RBFOX1: variants seen among roughly 807,000 people sequenced by gnomAD.
RBFOX1 encodes the protein RNA binding protein fox-1 homolog 1.
Under a neutral mutation model 57.7 loss-of-function variants are expected in RBFOX1, and 8 were observed. The observed-to-expected ratio is 0.14, with a 90% CI of 0.08 to 0.25. RBFOX1 has a LOEUF of 0.25. RBFOX1 is among the 10% of genes least tolerant of loss of function. RBFOX1 has a pLI of 1.00. For synonymous variants in RBFOX1, 326 were observed against 222.4 expected (o/e 1.47, Z -4.15); for missense variants, 611 against 548.5 (o/e 1.11, Z -1.14).
At chr16:6,395,307 G>A (rs2092779073) in intron 2 of RBFOX1, among the ~76,000 whole-genome samples, 1 of 152,106 alleles carries the variant, frequency 6.6e-6, no homozygotes, top group South Asian at 2.1e-4. Context: ...TTCAAAATTG[G>A]CTCAAAGTCT....
At chr16:7,708,255 AAG>A (rs1247657448) in intron 14 of RBFOX1, among the ~76,000 whole-genome samples, 2 of 151,204 alleles carry the variant, frequency 1.3e-5, no homozygotes, top group African/African-American at 4.9e-5. Context: ...TTAAAAAAAA[AAG>A]TTAACTTCCA....
At chr16:7,144,238 A>G (rs1320838802) in intron 4 of RBFOX1, among the ~76,000 whole-genome samples, 3 of 152,046 alleles carry the variant, frequency 2.0e-5, no homozygotes, top group African/African-American at 7.2e-5. Context: ...GGGTCTTGGA[A>G]TTATTTGAGT....
intron 1 of RBFOX1, among the ~76,000 whole-genome samples, chr16:6,091,464 C>G (rs147088929): frequency 2.0e-3 from 304 of 152,172 alleles, no homozygotes; most frequent in African/African-American, 7.1e-3. Context: ...ATAGGGTGAG[C>G]GGTCTATATC....
chr16:5,241,802 C>T (rs903759550), intron 1 of RBFOX1, among the ~76,000 whole-genome samples: 11 of 152,110 alleles, frequency 7.2e-5, no homozygotes, highest in Non-Finnish European at 1.6e-4. Context: ...GGGTGCATCA[C>T]AAGAGACAAG....
At chr16:5,528,053 C>T (rs718693) in intron 2 of RBFOX1, among the ~76,000 whole-genome samples, 2 of 151,892 alleles carry the variant, frequency 1.3e-5, no homozygotes, top group African/African-American at 4.8e-5. Flanking sequence ...AACATTCAAA[C>T]ACCTATTTAC....
intron 4 of RBFOX1, among the ~76,000 whole-genome samples, chr16:7,326,948 G>C (rs942034088): frequency 6.6e-6 from 1 of 152,088 alleles, no homozygotes; most frequent in Non-Finnish European, 1.5e-5. Flanking sequence ...TTTGCTAGTG[G>C]ACATTTTAGT....
chr16:6,117,776 A>T (rs1487766303), intron 1 of RBFOX1, among the ~76,000 whole-genome samples: 1 of 152,246 alleles, frequency 6.6e-6, no homozygotes, highest in African/African-American at 2.4e-5. Flanking sequence ...GTAAGACGCT[A>T]TCTAAGATGA....
intron 14 of RBFOX1, among the ~76,000 whole-genome samples, chr16:7,694,054 A>T (rs568664667): frequency 3.3e-5 from 5 of 152,296 alleles, no homozygotes; most frequent in East Asian, 3.9e-4. Context: ...AGAACAGTTA[A>T]ATTTGTACTT....
At chr16:6,982,470 C>G (rs111536399) in intron 3 of RBFOX1, among the ~76,000 whole-genome samples, 1 of 152,126 alleles carries the variant, frequency 6.6e-6, no homozygotes, top group Non-Finnish European at 1.5e-5. Context: ...CCTTCTCATT[C>G]GTTCATGAGA....
At chr16:7,574,595 C>A (rs776137487) in intron 5 of RBFOX1, among the ~76,000 whole-genome samples, 2 of 152,126 alleles carry the variant, frequency 1.3e-5, no homozygotes, top group Non-Finnish European at 2.9e-5. Context: ...AAGACTCAGC[C>A]AGTCTAGTCT....
chr16:6,603,205 C>G (rs733411), intron 2 of RBFOX1, among the ~76,000 whole-genome samples: 29,520 of 152,058 alleles, frequency 0.19, 3,288 homozygotes, highest in East Asian at 0.44. Context: ...ATTGACCCAG[C>G]TTACTTGTCT....
intron 4 of RBFOX1, among the ~76,000 whole-genome samples, chr16:7,420,938 T>TACACACACACAC (rs917264873): frequency 3.6e-5 from 5 of 140,128 alleles, no homozygotes; most frequent in African/African-American, 1.1e-4. Context: ...CATATATATA[T>TACACACACACAC]ACACACACAC....
chr16:7,050,594 C>T (rs1388225930), intron 3 of RBFOX1, among the ~76,000 whole-genome samples: 1 of 152,060 alleles, frequency 6.6e-6, no homozygotes, highest in Admixed American at 6.6e-5. Flanking sequence ...TGATCTGTTT[C>T]ACTGTATTTT....
intron 4 of RBFOX1, among the ~76,000 whole-genome samples, chr16:7,450,706 G>C (rs1247497540): frequency 6.6e-6 from 1 of 152,252 alleles, no homozygotes; most frequent in East Asian, 1.9e-4. Context: ...CACCTACTGG[G>C]CGCCAGGCAT....
At chr16:7,165,866 G>A (rs1036419725) in intron 4 of RBFOX1, among the ~76,000 whole-genome samples, 10 of 151,240 alleles carry the variant, frequency 6.6e-5, no homozygotes, top group African/African-American at 2.4e-4. Flanking sequence ...TCCTTTTGAT[G>A]TTTTTATTCT....
At chr16:5,699,037 G>A (rs184076986) in intron 3 of RBFOX1, among the ~76,000 whole-genome samples, 102 of 145,518 alleles carry the variant, frequency 7.0e-4, no homozygotes, top group Admixed American at 2.3e-3. Flanking sequence ...GCCCGGGCTG[G>A]AATGCGATGG....
chr16:6,505,132 C>T (rs772345697), intron 2 of RBFOX1, among the ~76,000 whole-genome samples: 2 of 151,942 alleles, frequency 1.3e-5, no homozygotes, highest in Admixed American at 6.6e-5. Context: ...TTTTTTCCTT[C>T]ACCAGACTTG....
At chr16:6,165,131 C>T (rs915216517) in intron 1 of RBFOX1, among the ~76,000 whole-genome samples, 4 of 152,066 alleles carry the variant, frequency 2.6e-5, no homozygotes, top group Non-Finnish European at 5.9e-5. Context: ...AATGTCCAAG[C>T]CTCAGCTTTG....
intron 2 of RBFOX1, among the ~76,000 whole-genome samples, chr16:6,649,631 G>A (rs1367516051): frequency 8.5e-5 from 13 of 152,078 alleles, no homozygotes; most frequent in Non-Finnish European, 1.5e-5. Flanking sequence ...TTTTCCATTC[G>A]TGACTTGTTT....
Sources: allele counts gnomAD v4.1 joint callset (sites outside exome capture counted in the v4.1 genomes callset), GRCh38; gene constraint gnomAD v4.1.1; transcripts MANE v1.5; gene names NCBI Gene and HGNC (gene_info 2026-07-23, HGNC 2026-07-21).